The following ANO5 variants were observed in gnomAD, a reference collection of about 807,000 sequenced individuals.
ANO5 encodes the protein anoctamin 5.
A neutral mutation model predicts 121.0 loss-of-function variants in ANO5; 109 were observed. The ratio of observed to expected loss-of-function variants is 0.90; its 90% CI spans 0.77 to 1.06. The LOEUF is 1.06. ANO5 is among the 50% of genes least tolerant of loss of function. The pLI is 0.00. For synonymous variants in ANO5, 406 were observed against 359.9 expected (o/e 1.13, Z -1.45); for missense variants, 1,064 against 1,078.5 (o/e 0.99, Z 0.19).
At chr11:22,270,224 C>A in intron 17 of ANO5, 88 bp from the exon 18 acceptor site, 1 of 1,504,264 alleles carries the variant, frequency 6.6e-7, no homozygotes, top group Non-Finnish European at 9.2e-7. Context: ...TCTCTAATTT[C>A]TGCCAGTTTC....
intron 7 of ANO5, among the ~76,000 whole-genome samples, chr11:22,233,691 AT>A (rs1291078615): frequency 1.3e-5 from 2 of 152,112 alleles, no homozygotes; most frequent in African/African-American, 4.8e-5. Flanking sequence ...CCCTTGTTTT[AT>A]GAGAGGAGGA....
Position 22,227,606 on chromosome 11 carries a change from G to A in ANO5, c.648+20G>A, listed in dbSNP as rs2035384524. 1 of 1,611,770 alleles carries A rather than the reference G, an allele frequency of 6.2e-7. No individual in the cohort carries two copies. The highest frequency in any genetic ancestry group is 1.1e-5 in the South Asian group (1 of 91,000). On this transcript the variant is annotated intron_variant, in intron 7 of 21. Transcript: ENST00000324559. ...AGAATTGTAGGTAGAGAAGACCTTT[G>A]GGCACATCCCTTCAAATACGAGATG... is the stretch of plus-strand genomic sequence containing the variant.
intron 21 of ANO5, among the ~76,000 whole-genome samples, chr11:22,277,043 A>G (rs939298395): frequency 1.3e-4 from 19 of 151,530 alleles, no homozygotes; most frequent in South Asian, 6.2e-4. Flanking sequence ...TAATATCCAA[A>G]GTAAACTTCT....
chr11:22,261,798 G>C (rs528400069), intron 15 of ANO5, among the ~76,000 whole-genome samples: 9 of 152,320 alleles, frequency 5.9e-5, no homozygotes, highest in Non-Finnish European at 1.5e-5. Flanking sequence ...ATTACAATTT[G>C]ACATGAGATT....
intron 18 of ANO5, among the ~76,000 whole-genome samples, chr11:22,271,156 G>C (rs1055773468): frequency 6.6e-6 from 1 of 152,114 alleles, no homozygotes; most frequent in Non-Finnish European, 1.5e-5. Flanking sequence ...GGGTTCAAGC[G>C]ATTCTCCTGC....
In ANO5 at chr11:22,270,310, A is replaced by T. The variant is rs1379042100; in HGVS notation, c.1899-2A>T. 6.2e-7 allele frequency: 1 copy of T among 1,614,098 alleles called. No homozygotes were observed. The highest frequency in any genetic ancestry group is 2.2e-5 in the East Asian group (1 of 44,864). ...TATATTAACTTTTATCACTTCCAAC[A>T]GCTTGGCTTTGAATTGGTGGAGACG... On this transcript the variant is annotated splice_acceptor_variant, in intron 17 of 21. Coordinates refer to ENST00000324559, the MANE Select transcript of ANO5 (RefSeq NM_213599.3). LOFTEE classifies it high-confidence loss of function.
chr11:22,280,233 T>C lies in ANO5; in HGVS notation c.*468T>C, dbSNP rs1267501768. On this transcript the variant is annotated 3_prime_UTR_variant, in exon 22 of 22. Transcript: ENST00000324559. ...CTGAGCCCTATATATCCTATCATTTTAAAATATGCAAATGAATTGCCAAGA... is the reference window on the plus strand; with the variant it reads ...CTGAGCCCTATATATCCTATCATTTCAAAATATGCAAATGAATTGCCAAGA... The C allele has an allele frequency of 6.3e-6, 1 of 158,450 alleles. No homozygotes were observed. Among genetic ancestry groups the C allele is most frequent in the African/African-American group, 2.4e-5 (1 of 41,452 alleles). The allele number at this position is 158,450 out of a possible 1,614,324, so 9.8% of individuals were successfully genotyped here.
chr11:22,239,753 TA>T lies in ANO5; in HGVS notation c.878+70del, dbSNP rs560118597. On this transcript the variant is annotated intron_variant, in intron 9 of 21. Transcript: ENST00000324559. ...GTGATTTTTATTCACAATGGCATAA[TA>T]TTTTTTTTACTACTATTTTCTCCCA... 1.3e-4 allele frequency: 161 copies of T among 1,258,394 alleles called. 1 individual carries two copies. The South Asian group carries it at 1.5e-3, about 12-fold the overall frequency. 78.0% of individuals were successfully genotyped at this position (1,258,394 alleles called of 1,614,324 possible).
chr11:22,204,208 A>G (rs1232287974), intron 2 of ANO5, among the ~76,000 whole-genome samples: 3 of 152,114 alleles, frequency 2.0e-5, no homozygotes, highest in African/African-American at 4.8e-5. Context: ...TAGTATGATT[A>G]GTGCTTATCT....
intron 2 of ANO5, among the ~76,000 whole-genome samples, chr11:22,206,195 C>T (rs980560784): frequency 3.9e-5 from 6 of 152,000 alleles, no homozygotes; most frequent in African/African-American, 9.7e-5. Flanking sequence ...AGTTGGATCC[C>T]TCATGTACAT....
chr11:22,269,235 A>T (rs1188713511), intron 17 of ANO5, among the ~76,000 whole-genome samples: 2 of 113,030 alleles, frequency 1.8e-5, no homozygotes, highest in Non-Finnish European at 3.5e-5. Flanking sequence ...AAAGGAAGGA[A>T]GGAAGGAGAA....
chr11:22,251,579 C>T (rs1354105443), intron 12 of ANO5, among the ~76,000 whole-genome samples: 1 of 152,070 alleles, frequency 6.6e-6, no homozygotes, highest in Admixed American at 6.6e-5. Flanking sequence ...CTATCATCAG[C>T]AAGGAAAATG....
chr11:22,214,041 G>A (rs1852366153), intron 3 of ANO5, among the ~76,000 whole-genome samples: 2 of 151,730 alleles, frequency 1.3e-5, no homozygotes, highest in African/African-American at 2.4e-5. Flanking sequence ...GATTACAGGA[G>A]TACACCACCA....
At chr11:22,239,420 G>T (rs1853347836) in intron 8 of ANO5, 149 bp from the exon 9 acceptor site, 1 of 599,110 alleles carries the variant, frequency 1.7e-6, no homozygotes, top group South Asian at 1.9e-5. Context: ...ATTAGTTTAT[G>T]AAATAATTTC....
chr11:22,218,263 T>C lies in ANO5; in HGVS notation c.156T>C (p.Asn52=). ...CTTCACAGCCTGCAAAGCGATTCAA[T>C]TTGTTCCTGAGGCGGCGGCTTATGG... The part of the protein sequence containing the change: ...NEETMPAKRF[N]LFLRRRLMFQ... The change falls in exon 4 of 22, where the codon AAT becomes AAC. Residue 52 remains asparagine (N), a synonymous_variant. Coordinates refer to ENST00000324559, the MANE Select transcript of ANO5 (RefSeq NM_213599.3). 6.2e-7 allele frequency: 1 copy of C among 1,613,462 alleles called. No individual in the cohort carries two copies. Among genetic ancestry groups the C allele is most frequent in the Non-Finnish European group, 8.5e-7 (1 of 1,179,702 alleles).
chr11:22,250,515 A>C (rs192732414), intron 10 of ANO5, 144 bp downstream of exon 10: 2 of 1,234,928 alleles, frequency 1.6e-6, no homozygotes, highest in Non-Finnish European at 1.1e-6. Context: ...CTACTCAAAC[A>C]TAACAGTTGC....
At chr11:22,257,573 T>G in intron 13 of ANO5, 107 bp from the exon 14 acceptor site, 2 of 899,076 alleles carry the variant, frequency 2.2e-6, no homozygotes, top group Non-Finnish European at 3.7e-6. Context: ...AGTAGGCCCT[T>G]TTGGGAGACT....
At chr11:22,260,028 A>G (rs1854142815) in intron 15 of ANO5, among the ~76,000 whole-genome samples, 1 of 151,760 alleles carries the variant, frequency 6.6e-6, no homozygotes, top group Non-Finnish European at 1.5e-5. Flanking sequence ...GGTCTAGTTG[A>G]ATCCTAAGAA....
At chr11:22,239,754 A>G (rs1853363935) in intron 9 of ANO5, 70 bp downstream of exon 9, 1 of 1,251,342 alleles carries the variant, frequency 8.0e-7, no homozygotes, top group South Asian at 1.2e-5. Context: ...ATGGCATAAT[A>G]TTTTTTTTAC....
Sources: gnomAD v4.1 joint callset for allele counts (sites outside exome capture counted in the v4.1 genomes callset) on GRCh38, gnomAD v4.1.1 for gene constraint, MANE v1.5 for transcripts, NCBI Gene and HGNC (gene_info 2026-07-23, HGNC 2026-07-21) for gene names.